EPHX1: variants seen among roughly 807,000 people sequenced by gnomAD.
EPHX1 encodes epoxide hydratase.
Under a neutral mutation model 43.2 loss-of-function variants are expected in EPHX1, and 40 were observed. The observed-to-expected ratio is 0.93, with a 90% CI of 0.72 to 1.21. The LOEUF is 1.21. Ranked by LOEUF, EPHX1 falls within the 50% of genes most tolerant of loss-of-function variation. EPHX1 has a pLI of 0.00. For missense variants in EPHX1, 550 were observed against 570.4 expected (o/e 0.96, Z 0.36); for synonymous variants, 221 against 226.7 (o/e 0.98, Z 0.22).
intron 7 of EPHX1, 25 bp downstream of exon 7, chr1:225,842,499 G>A: frequency 6.5e-7 from 1 of 1,538,536 alleles, no homozygotes; most frequent in Non-Finnish European, 9.0e-7. Flanking sequence ...TGCCCCTGCA[G>A]TCATGACCCT....
intron 1 of EPHX1, among the ~76,000 whole-genome samples, chr1:225,811,947 G>T (rs1279560995): frequency 1.3e-5 from 2 of 152,172 alleles, no homozygotes; most frequent in Non-Finnish European, 2.9e-5. Context: ...GTTAGAAGAT[G>T]ATGTGTAATA....
At chr1:225,841,556 T>G (rs371401085) in intron 6 of EPHX1, among the ~76,000 whole-genome samples, 3 of 151,198 alleles carry the variant, frequency 2.0e-5, no homozygotes, top group East Asian at 1.9e-4. Context: ...AGTGCTGGGA[T>G]TACAGGTGTG....
chr1:225,821,409 C>G (rs780535013), intron 1 of EPHX1, among the ~76,000 whole-genome samples: 1 of 151,780 alleles, frequency 6.6e-6, no homozygotes, highest in Non-Finnish European at 1.5e-5. Flanking sequence ...CCACACCCAG[C>G]TAATTTTTGT....
chr1:225,823,962 C>G (rs921677546), intron 1 of EPHX1, among the ~76,000 whole-genome samples: 1 of 152,172 alleles, frequency 6.6e-6, no homozygotes, highest in African/African-American at 2.4e-5. Context: ...GCAGCCCTGG[C>G]GAGGGAGCCC....
chr1:225,839,377 G>GTGT (rs767062035), intron 5 of EPHX1, 31 bp downstream of exon 5: 2 of 1,579,656 alleles, frequency 1.3e-6, no homozygotes, highest in Admixed American at 3.4e-5. Context: ...GTGTGTGTGT[G>GTGT]TGTGTGTGTG....
chr1:225,810,248 G>C (rs1180801833), intron 1 of EPHX1, 79 bp downstream of exon 1: 6 of 151,324 alleles, frequency 4.0e-5, no homozygotes, highest in African/African-American at 1.5e-4. Flanking sequence ...CGGCCGCCGG[G>C]GTGGGCGGCG....
At chr1:225,821,824 A>G (rs1421628079) in intron 1 of EPHX1, among the ~76,000 whole-genome samples, 2 of 152,036 alleles carry the variant, frequency 1.3e-5, no homozygotes, top group Admixed American at 1.3e-4. Context: ...TGGCCTCCCA[A>G]AGTGCTGGGA....
rs201119273 is a variant in EPHX1, at chr1:225,845,381, C to T, written c.*34C>T. ...TCTCCCCCCGCCTGCCACCTCCCCC[C>T]ACAAGTGCCCTCCAGGCTTTTCTTG... On this transcript the variant is annotated 3_prime_UTR_variant, in exon 9 of 9. Transcript: ENST00000272167. 7.9e-5 allele frequency: 122 copies of T among 1,542,698 alleles called. No homozygotes were observed. Among genetic ancestry groups the T allele is most frequent in the Admixed American group, 6.2e-4 (32 of 51,440 alleles).
chr1:225,833,894 G>A (rs374230456), intron 3 of EPHX1, among the ~76,000 whole-genome samples: 10 of 150,532 alleles, frequency 6.6e-5, no homozygotes, highest in Admixed American at 6.6e-5. Context: ...TCAGGAGATC[G>A]AGACCATCCT....
intron 5 of EPHX1, 140 bp downstream of exon 5, chr1:225,839,486 C>T: frequency 6.7e-7 from 1 of 1,484,342 alleles, no homozygotes; most frequent in Non-Finnish European, 9.0e-7. Context: ...CTCAGCAGTG[C>T]CTGAGGCACG....
At chr1:225,835,551 A>G (rs983844584) in intron 3 of EPHX1, among the ~76,000 whole-genome samples, 11 of 151,608 alleles carry the variant, frequency 7.3e-5, no homozygotes, top group South Asian at 6.3e-4. Context: ...CACCATGCCC[A>G]GCTAATTTTT....
rs1435162063 is a variant in EPHX1 at position 225,842,433 on chromosome 1, C to T, written c.999C>T (p.Thr333=). The T allele has an allele frequency of 6.2e-7, 1 of 1,614,006 alleles. No individual in the cohort carries two copies. Among genetic ancestry groups the T allele is most frequent in the Non-Finnish European group, 8.5e-7 (1 of 1,179,938 alleles). ...AYILEKFSTW[T]NTEFRYLEDG... ...TTCTAGAGAAGTTTTCCACCTGGAC[C>T]AATACGGAATTCCGATACCTGGAGG... The change falls in exon 7 of 9, where the codon ACC becomes ACT. Residue 333 remains threonine, a synonymous_variant. Transcript: ENST00000272167.
At position 225,845,477 on chromosome 1, in the gene EPHX1, C is replaced by CCCCTCACCCCTCCAAGCTCACT. The variant is rs1454043398; in HGVS notation, c.*134_*155dup. The CCCCTCACCCCTCCAAGCTCACT allele has an allele frequency of 2.8e-5, 25 of 879,342 alleles. No homozygotes were observed. Among genetic ancestry groups the CCCCTCACCCCTCCAAGCTCACT allele is most frequent in the Non-Finnish European group, 4.0e-5 (23 of 569,426 alleles). 54.5% of individuals were successfully genotyped at this position (879,342 alleles called of 1,614,324 possible). On this transcript the variant is annotated 3_prime_UTR_variant, in exon 9 of 9. Coordinates refer to ENST00000272167, the MANE Select transcript of EPHX1 (RefSeq NM_001136018.4). ...GCCCATGCTGGGAGCCCACGCTCAC[C>CCCCTCACCCCTCCAAGCTCACT]CCCTCACCCCTCCAAGCTCACTCCC...
Position 225,820,488 on chromosome 1 carries a change from C to T in EPHX1, c.-5-8237C>T, listed in dbSNP as rs151034926. On this transcript the variant is annotated intron_variant, in intron 1 of 8. Transcript: ENST00000272167. ...CTAAGTTAAAACTCCTGGGTCAGCT[C>T]GTGATGAAGTAGCAATTTATAAAAG... Among the ~76,000 whole-genome samples, 33 of 152,212 alleles carry T rather than the reference C, an allele frequency of 2.2e-4. No homozygotes were observed. In the East Asian group the frequency reaches 5.6e-3, roughly 26 times the overall value.
intron 1 of EPHX1, among the ~76,000 whole-genome samples, chr1:225,827,692 A>G (rs1667318791): frequency 6.6e-6 from 1 of 152,238 alleles, no homozygotes; most frequent in South Asian, 2.1e-4. Flanking sequence ...CTCCGTGCCG[A>G]TGAAAATGTT....
At chr1:225,814,425 G>A (rs1032791543) in intron 1 of EPHX1, among the ~76,000 whole-genome samples, 1 of 152,206 alleles carries the variant, frequency 6.6e-6, no homozygotes, top group Admixed American at 6.5e-5. Context: ...TATGGGAGAT[G>A]GTGTGTTTAA....
intron 1 of EPHX1, among the ~76,000 whole-genome samples, chr1:225,810,944 G>T (rs1666450953): frequency 6.6e-6 from 1 of 152,126 alleles, no homozygotes; most frequent in Non-Finnish European, 1.5e-5. Flanking sequence ...AGGCCACAGG[G>T]GATATGATGG....
chr1:225,831,788 C>T lies in EPHX1; in HGVS notation c.193C>T (p.Gln65Ter). The change falls in exon 3 of 9, where the codon CAG becomes TAG. Residue 65 changes from glutamine (Q) to a stop codon, truncating the protein, a stop_gained. Coordinates refer to ENST00000272167, the MANE Select transcript of EPHX1 (RefSeq NM_001136018.4). LOFTEE classifies it high-confidence loss of function. ...CTGAATTTTGCTCCAGGACTTACACCAGAGGATCGATAAGTTCCGTTTCAC... is the reference window on the plus strand; with the variant it reads ...CTGAATTTTGCTCCAGGACTTACACTAGAGGATCGATAAGTTCCGTTTCAC... ...TSDEEIHDLH[Q>*]RIDKFRFTPP... The T allele has an allele frequency of 6.2e-7, 1 of 1,614,018 alleles. No homozygotes were observed. Among genetic ancestry groups the T allele is most frequent in the Non-Finnish European group, 8.5e-7 (1 of 1,180,036 alleles).
chr1:225,839,117 G>C, intron 4 of EPHX1, 100 bp from the exon 5 acceptor site: 1 of 1,579,280 alleles, frequency 6.3e-7, no homozygotes, highest in South Asian at 1.1e-5. Context: ...ACCTCCACCT[G>C]GGGGTAGGCG....
Sources: gnomAD v4.1 joint callset for allele counts (sites outside exome capture counted in the v4.1 genomes callset) on GRCh38, gnomAD v4.1.1 for gene constraint, MANE v1.5 for transcripts, NCBI Gene and HGNC (gene_info 2026-07-23, HGNC 2026-07-21) for gene names.